The following RYR2 variants were observed in gnomAD, a reference collection of about 807,000 sequenced individuals.
RYR2 encodes the protein ryanodine receptor 2.
In RYR2, 227 loss-of-function variants were observed where a neutral mutation model predicts 601.1. The ratio of observed to expected loss-of-function variants is 0.38; its 90% CI spans 0.34 to 0.42. The LOEUF is 0.42. RYR2 is among the 10% of genes least tolerant of loss of function. RYR2 has a pLI of 1.00. For synonymous variants in RYR2, 2,223 were observed against 2,175.1 expected, an observed-to-expected ratio of 1.02 and a Z score of -0.61; for missense variants, 4,646 against 6,156.5, an observed-to-expected ratio of 0.75 and a Z score of 8.21.
chr1:237,299,950 C>A (rs1370442687), intron 2 of RYR2, among the ~76,000 whole-genome samples: 4 of 152,154 alleles, frequency 2.6e-5, no homozygotes, highest in Non-Finnish European at 5.9e-5. Context: ...TGTCATTCTC[C>A]TTTCTCAAGT....
At chr1:237,732,218 T>C (rs1690753949) in intron 78 of RYR2, 69 bp downstream of exon 78, 1 of 883,164 alleles carries the variant, frequency 1.1e-6, no homozygotes. Flanking sequence ...GAGTATTCTG[T>C]GCCATGTGTT....
chr1:237,418,291 C>T lies in RYR2; in HGVS notation c.848+1168C>T, dbSNP rs1705216186. On this transcript the variant is annotated intron_variant, in intron 11 of 104. Coordinates refer to ENST00000366574, the MANE Select transcript of RYR2 (RefSeq NM_001035.3). ...TCTCCTGACCTCCTGATCCACCAGC[C>T]TCGGCCTCCCAAAGTGCTGGGATCA... Among the ~76,000 whole-genome samples the T allele has an allele frequency of 2.0e-5, 3 of 152,188 alleles. No homozygotes were observed. The South Asian group carries it at 6.2e-4, about 31-fold the overall frequency.
chr1:237,614,504 A>G lies in RYR2; in HGVS notation c.5376A>G (p.Ile1792Met). The change falls in exon 37 of 105, where the codon ATA (isoleucine) becomes ATG (methionine). Residue 1792 changes from isoleucine (I) to methionine (M), a missense_variant. Ile to Met is a conservative substitution (Grantham distance 10). Around this residue, in one of 17 missense-constraint regions of RYR2, gnomAD observed 1,807 missense variants for 2,088.1 expected, o/e 0.87. Transcript: ENST00000366574. The surrounding 1 kb of genome is among the most constrained non-coding windows in gnomAD (Gnocchi z 4.3). ...FPLDILKSKT[I>M]QMLTEAVKEG... is the part of the protein sequence containing the mutation. ...TGGACATCCTCAAGTCCAAAACCAT[A>G]CAGATGCTGACAGAAGCTGTTAAAG... 1.2e-6 allele frequency: 2 copies of G among 1,613,996 alleles called. No homozygotes were observed.
intron 19 of RYR2, 70 bp from the exon 20 acceptor site, chr1:237,496,441 T>G: frequency 6.3e-5 from 100 of 1,576,040 alleles, no homozygotes; most frequent in Non-Finnish European, 7.3e-5. Context: ...AGTGAAATTG[T>G]GAGATGTAAA....
intron 2 of RYR2, among the ~76,000 whole-genome samples, chr1:237,303,292 C>CTTTTTTTTTTTT (rs386370109): frequency 1.2e-5 from 1 of 85,252 alleles, no homozygotes; most frequent in African/African-American, 4.8e-5. Flanking sequence ...CTGCGGTTAT[C>CTTTTTTTTTTTT]TTTTTTTTTT....
At chr1:237,550,452 C>A (rs559997771) in intron 26 of RYR2, 92 bp from the exon 27 acceptor site, 40 of 1,445,160 alleles carry the variant, frequency 2.8e-5, no homozygotes, top group Middle Eastern at 3.6e-4. Context: ...ACGTTTTTCT[C>A]ATGGAATTTA....
At chr1:237,624,979 ATG>A (rs532523020) in intron 39 of RYR2, among the ~76,000 whole-genome samples, 1 of 152,000 alleles carries the variant, frequency 6.6e-6, no homozygotes, top group South Asian at 2.1e-4. Flanking sequence ...GTGTACATGT[ATG>A]TGTGTGTATA....
intron 34 of RYR2, among the ~76,000 whole-genome samples, chr1:237,600,451 C>T (rs1054588504): frequency 1.3e-5 from 2 of 152,096 alleles, no homozygotes; most frequent in African/African-American, 4.8e-5. Context: ...AAAATCAACT[C>T]AAAGTGGATT....
intron 1 of RYR2, among the ~76,000 whole-genome samples, chr1:237,056,620 CACTGCACCTGTGAGGACTGGAGT>C (rs1558155677): frequency 6.3e-5 from 9 of 141,974 alleles, no homozygotes; most frequent in African/African-American, 2.4e-4. Context: ...AGGACTGGAG[CACTGCACCTGTGAGGACTGGAGT>C]ACTGCAGCTA....
intron 10 of RYR2, among the ~76,000 whole-genome samples, chr1:237,392,641 A>T (rs938181478): frequency 1.3e-5 from 2 of 152,230 alleles, no homozygotes; most frequent in African/African-American, 4.8e-5. Flanking sequence ...ATAAAATATC[A>T]ACAAAGGCAT....
rs768299786 is a variant in RYR2, at chr1:237,792,196, A to G, written c.13655A>G (p.His4552Arg). Reference protein sequence around the residue: ...AKVTSLDSSSHRIIAVHYVLE... With the variant: ...AKVTSLDSSSRRIIAVHYVLE... Reference sequence around the variant, plus strand: ...GTGACAAGCCTGGACAGCAGCTCCCATAGAATCATCGCAGTTCACTATGTA... The same window carrying G: ...GTGACAAGCCTGGACAGCAGCTCCCGTAGAATCATCGCAGTTCACTATGTA... The change falls in exon 94 of 105, where the codon CAT becomes CGT. Residue 4552 changes from histidine to arginine, a missense_variant. This residue lies in a region of RYR2 where 364 missense variants were observed against 442.9 expected (regional missense o/e 0.82). Transcript: ENST00000366574. 7.4e-6 allele frequency: 12 copies of G among 1,613,636 alleles called. No individual in the cohort carries two copies. The highest frequency in any genetic ancestry group is 2.2e-5 in the East Asian group (1 of 44,854).
chr1:237,263,910 G>C (rs1688776746), intron 1 of RYR2, among the ~76,000 whole-genome samples: 1 of 152,104 alleles, frequency 6.6e-6, no homozygotes, highest in Admixed American at 6.5e-5. Context: ...ATATAATATA[G>C]TGTCAGGTAG....
chr1:237,204,781 C>T (rs1301440804), intron 1 of RYR2, among the ~76,000 whole-genome samples: 1 of 152,176 alleles, frequency 6.6e-6, no homozygotes, highest in Non-Finnish European at 1.5e-5. Context: ...GGAGATTCAA[C>T]AAGAAAACCA....
Position 237,392,878 on chromosome 1 carries a change from A to G in RYR2, c.773+4695A>G, listed in dbSNP as rs1474263172. 2.6e-5 allele frequency among the ~76,000 whole-genome samples: 4 copies of G among 152,194 alleles called. No individual in the cohort carries two copies. The East Asian group carries it at 7.7e-4, about 29-fold the overall frequency. On this transcript the variant is annotated intron_variant, in intron 10 of 104. Transcript: ENST00000366574. ...TATTGATTCAATAAGAATGTGTAGAATGACTATGATTTTCTGGGTGCTGGG... is the reference window on the plus strand; with the variant it reads ...TATTGATTCAATAAGAATGTGTAGAGTGACTATGATTTTCTGGGTGCTGGG...
chr1:237,372,174 G>C (rs557039285), intron 6 of RYR2, among the ~76,000 whole-genome samples: 1 of 152,150 alleles, frequency 6.6e-6, no homozygotes, highest in African/African-American at 2.4e-5. Flanking sequence ...CAAAAGTATA[G>C]GATGAGAAGT....
intron 54 of RYR2, among the ~76,000 whole-genome samples, chr1:237,658,764 A>G (rs1683487569): frequency 6.6e-6 from 1 of 152,146 alleles, no homozygotes; most frequent in South Asian, 2.1e-4. Flanking sequence ...TTTAACAATT[A>G]TTTACCTTTT....
chr1:237,677,354 G>A (rs1049107901), intron 60 of RYR2, among the ~76,000 whole-genome samples: 9 of 152,154 alleles, frequency 5.9e-5, no homozygotes, highest in African/African-American at 2.2e-4. Flanking sequence ...TGAAGGAGGT[G>A]AGAAAGGCCA....
intron 62 of RYR2, among the ~76,000 whole-genome samples, chr1:237,684,786 T>C (rs1168286601): frequency 6.6e-6 from 1 of 151,766 alleles, no homozygotes; most frequent in Non-Finnish European, 1.5e-5. Flanking sequence ...TATATATATA[T>C]ATAATGCTTG....
chr1:237,799,927 T>TCAAG (rs1659753199), intron 97 of RYR2: 1 of 152,156 alleles, frequency 6.6e-6, no homozygotes, highest in Non-Finnish European at 1.5e-5. Flanking sequence ...CTCACCTTCC[T>TCAAG]GGTTATAGTT....
Sources: allele counts gnomAD v4.1 joint callset (sites outside exome capture counted in the v4.1 genomes callset), GRCh38; gene constraint gnomAD v4.1.1; regional missense constraint gnomAD v4.1.1; non-coding constraint Gnocchi (gnomAD v3.1); transcripts MANE v1.5; gene names NCBI Gene and HGNC (gene_info 2026-07-23, HGNC 2026-07-21).